Variants in CRYZL1 observed in about 807,000 individuals in gnomAD.
CRYZL1 encodes ferry endosomal RAB5 effector complex subunit 4.
CRYZL1 carries 34 observed loss-of-function variants against 50.6 expected under a neutral mutation model. That is an observed-to-expected ratio of 0.67 (90% CI 0.51 to 0.89). The LOEUF is 0.89. Among genes scored for constraint, CRYZL1 ranks in the 40% least tolerant of loss-of-function variants. CRYZL1 has a pLI of 0.00. For missense variants in CRYZL1, 354 were observed against 402.3 expected, an observed-to-expected ratio of 0.88 and a Z score of 1.03; for synonymous variants, 125 against 134.3, an observed-to-expected ratio of 0.93 and a Z score of 0.48.
chr21:33,600,933 G>GTGTTT (rs2086747072), intron 8 of CRYZL1, among the ~76,000 whole-genome samples: 1 of 59,520 alleles, frequency 1.7e-5, no homozygotes, highest in African/African-American at 6.3e-5. Context: ...GGTCCATAAA[G>GTGTTT]TTTTTTTTTT....
chr21:33,611,841 A>G (rs2086875846), intron 6 of CRYZL1, among the ~76,000 whole-genome samples: 1 of 152,230 alleles, frequency 6.6e-6, no homozygotes, highest in Non-Finnish European at 1.5e-5. Context: ...ATCCTTAAAT[A>G]ACATATGCTT....
In CRYZL1 at chr21:33,597,274, T is replaced by C. The variant is rs1477729836; in HGVS notation, c.798+6A>G. 1.2e-6 allele frequency: 2 copies of C among 1,613,316 alleles called. No homozygotes were observed. Among genetic ancestry groups the C allele is most frequent in the East Asian group, 4.5e-5 (2 of 44,890 alleles). ...AATGGTAACGCTTTATGGTTTCTGA[T>C]AGTACCTGAAGGTTTTCTTCTGTTG... On this transcript the variant is annotated splice_donor_region_variant and intron_variant, in intron 10 of 12. Transcript: ENST00000381554.
At chr21:33,615,190 G>A (rs1375288361) in intron 5 of CRYZL1, among the ~76,000 whole-genome samples, 1 of 122,560 alleles carries the variant, frequency 8.2e-6, no homozygotes, top group Non-Finnish European at 1.6e-5. Context: ...GTCTCCCTCT[G>A]TCACCAGGCT....
intron 11 of CRYZL1, chr21:33,591,567 G>T: frequency 7.2e-6 from 2 of 278,648 alleles, no homozygotes; most frequent in South Asian, 5.7e-5. Context: ...AACAATTTTA[G>T]CACGTATATA....
intron 1 of CRYZL1, chr21:33,639,626 G>A (rs1262938868): frequency 1.3e-5 from 2 of 152,140 alleles, no homozygotes; most frequent in Non-Finnish European, 2.9e-5. Context: ...ATTGAAGTTT[G>A]TAAATGCTTA....
In CRYZL1 at chr21:33,641,723, C is replaced by T. The variant is rs1431436701; in HGVS notation, c.-49G>A. ...CAACGGCCTGCACCTTCACCACCGCCACCTTCCAGTCCTTCGTCAGAGAGC... is the reference window on the plus strand; with the variant it reads ...CAACGGCCTGCACCTTCACCACCGCTACCTTCCAGTCCTTCGTCAGAGAGC... On this transcript the variant is annotated 5_prime_UTR_variant, in exon 1 of 13. Coordinates refer to ENST00000381554, the MANE Select transcript of CRYZL1 (RefSeq NM_145858.3). 1 of 163,728 alleles carries T rather than the reference C, an allele frequency of 6.1e-6. No homozygotes were observed. The highest frequency in any genetic ancestry group is 1.3e-5 in the Non-Finnish European group (1 of 74,852). The allele number at this position is 163,728 out of a possible 1,614,324, so 10.1% of individuals were successfully genotyped here.
At chr21:33,635,857 T>G (rs2087200970) in intron 1 of CRYZL1, among the ~76,000 whole-genome samples, 4 of 151,870 alleles carry the variant, frequency 2.6e-5, no homozygotes, top group Admixed American at 2.6e-4. Flanking sequence ...GGCGTATGCC[T>G]GTAGTCCCAG....
At chr21:33,615,791 A>G (rs555487772) in intron 5 of CRYZL1, among the ~76,000 whole-genome samples, 24 of 152,304 alleles carry the variant, frequency 1.6e-4, no homozygotes, top group Admixed American at 7.8e-4. Flanking sequence ...AGCAGCCTTC[A>G]AGCATGTGAC....
chr21:33,630,589 TAAA>T (rs533376675), intron 2 of CRYZL1, among the ~76,000 whole-genome samples: 1 of 134,408 alleles, frequency 7.4e-6, no homozygotes. Context: ...CTGTCGCAAT[TAAA>T]AAAAAAAAAA....
intron 1 of CRYZL1, among the ~76,000 whole-genome samples, chr21:33,640,830 G>T (rs1247995528): frequency 1.3e-5 from 2 of 152,108 alleles, no homozygotes; most frequent in African/African-American, 4.8e-5. Flanking sequence ...AGATTTTGAA[G>T]ATTTAATTTT....
chr21:33,634,230 C>T (rs1209994276), intron 1 of CRYZL1, among the ~76,000 whole-genome samples: 1 of 152,044 alleles, frequency 6.6e-6, no homozygotes, highest in African/African-American at 2.4e-5. Context: ...TTACGTATTC[C>T]CTCCAGCATT....
intron 1 of CRYZL1, among the ~76,000 whole-genome samples, chr21:33,635,926 A>C (rs2087201729): frequency 6.6e-6 from 1 of 152,122 alleles, no homozygotes; most frequent in South Asian, 2.1e-4. Flanking sequence ...GGTTGCAGTG[A>C]GCTGAGATCG....
intron 5 of CRYZL1, among the ~76,000 whole-genome samples, chr21:33,616,082 C>G (rs550285574): frequency 3.9e-4 from 59 of 152,150 alleles, no homozygotes; most frequent in African/African-American, 1.1e-3. Context: ...CCCTCCCCCC[C>G]CCAACCCCAC....
intron 1 of CRYZL1, among the ~76,000 whole-genome samples, chr21:33,640,460 A>G (rs886446151): frequency 2.0e-5 from 3 of 151,958 alleles, no homozygotes; most frequent in African/African-American, 7.3e-5. Context: ...ACTTAATTTT[A>G]ACCTTTCTGG....
At chr21:33,591,273 A>AGG (rs1293869038) in intron 11 of CRYZL1, 66 bp from the exon 12 acceptor site, 1 of 1,304,302 alleles carries the variant, frequency 7.7e-7, no homozygotes, top group East Asian at 2.3e-5. Flanking sequence ...CAATAAGCAG[A>AGG]GGATGCCAGG....
intron 8 of CRYZL1, among the ~76,000 whole-genome samples, chr21:33,601,916 C>CA (rs540305920): frequency 0.012 from 691 of 59,718 alleles, 3 homozygotes; most frequent in South Asian, 0.023. Context: ...GACCCTGTTT[C>CA]AAAAAAAAAA....
Position 33,635,500 on chromosome 21 carries a change from A to G in CRYZL1, c.-6-3943T>C, listed in dbSNP as rs1179074693. On this transcript the variant is annotated intron_variant, in intron 1 of 12. Transcript: ENST00000381554. ...GGAGTAGCTGGGACTACAGGCGCCC[A>G]CCACCACACCTGGCTAAATTTTTTT... Among the ~76,000 whole-genome samples, 10 of 151,118 alleles carry G rather than the reference A, an allele frequency of 6.6e-5. No homozygotes were observed. In the East Asian group the frequency reaches 7.9e-4, roughly 12 times the overall value.
chr21:33,625,301 A>G (rs1027778995), intron 2 of CRYZL1, among the ~76,000 whole-genome samples: 51 of 151,786 alleles, frequency 3.4e-4, no homozygotes, highest in African/African-American at 1.2e-3. Context: ...GATTACAGGC[A>G]CCCGCCACCA....
At chr21:33,633,484 G>A (rs1006623920) in intron 1 of CRYZL1, among the ~76,000 whole-genome samples, 21 of 151,588 alleles carry the variant, frequency 1.4e-4, no homozygotes, top group African/African-American at 4.6e-4. Context: ...GCGCAGTCTC[G>A]GCTCACTGCA....
Sources: allele counts gnomAD v4.1 joint callset (sites outside exome capture counted in the v4.1 genomes callset), GRCh38; gene constraint gnomAD v4.1.1; transcripts MANE v1.5; gene names NCBI Gene and HGNC (gene_info 2026-07-23, HGNC 2026-07-21).